VTI1A: variants seen among roughly 807,000 people sequenced by gnomAD.
VTI1A encodes the protein vesicle transport through interaction with t-SNAREs 1A, also known as vesicle transport through interaction with t-SNAREs homolog 1A.
In VTI1A, 22 loss-of-function variants were observed where a neutral mutation model predicts 34.9. That is an observed-to-expected ratio of 0.63 (90% CI 0.45 to 0.90). The LOEUF is 0.90. Among genes scored for constraint, VTI1A ranks in the 40% least tolerant of loss-of-function variants. The probability of loss-of-function intolerance (pLI) is 0.00; values close to 1 mark genes in which losing one functional copy is unlikely to be tolerated. For missense variants in VTI1A, 268 were observed against 275.6 expected (o/e 0.97, Z 0.20); for synonymous variants, 87 against 97.3 (o/e 0.89, Z 0.62).
intron 5 of VTI1A, among the ~76,000 whole-genome samples, chr10:112,551,231 G>GGCT (rs1402834637): frequency 9.2e-6 from 1 of 109,052 alleles, no homozygotes; most frequent in African/African-American, 3.7e-5. Flanking sequence ...GCGGCACAGC[G>GGCT]ATACTCCATC....
intron 5 of VTI1A, among the ~76,000 whole-genome samples, chr10:112,545,716 A>G (rs1235053766): frequency 6.6e-6 from 1 of 152,192 alleles, no homozygotes; most frequent in East Asian, 1.9e-4. Context: ...AAGATCAGCT[A>G]TGATTTGTAT....
In VTI1A at chr10:112,563,807, T is replaced by G. The variant is rs192240899; in HGVS notation, c.427+25477T>G. On this transcript the variant is annotated intron_variant, in intron 5 of 7. Coordinates refer to ENST00000393077, the MANE Select transcript of VTI1A (RefSeq NM_145206.4). The stretch of plus-strand genomic sequence containing the variant: ...TGGGGTTATTCTTAAGGTATACATA[T>G]CTCTGTTTTAAAGCAGAATGATTCC... 1.6e-4 allele frequency among the ~76,000 whole-genome samples: 24 copies of G among 152,292 alleles called. No individual in the cohort carries two copies. The South Asian group carries it at 2.7e-3, about 17-fold the overall frequency.
intron 7 of VTI1A, among the ~76,000 whole-genome samples, chr10:112,742,197 C>G (rs1850718243): frequency 6.6e-6 from 1 of 152,218 alleles, no homozygotes; most frequent in South Asian, 2.1e-4. Context: ...TAAAGGCTAA[C>G]TGGCACGTTA....
intron 5 of VTI1A, among the ~76,000 whole-genome samples, chr10:112,599,771 G>A (rs1293491441): frequency 6.6e-6 from 1 of 151,968 alleles, no homozygotes; most frequent in Non-Finnish European, 1.5e-5. Context: ...GTCAAGACAG[G>A]GTCTCAGTAT....
intron 5 of VTI1A, among the ~76,000 whole-genome samples, chr10:112,572,322 G>A (rs1645433147): frequency 8.5e-5 from 13 of 152,186 alleles, no homozygotes; most frequent in Admixed American, 8.5e-4. Context: ...AAAGGTATGA[G>A]TGGTGGTAGG....
intron 7 of VTI1A, among the ~76,000 whole-genome samples, chr10:112,728,882 C>T (rs1440893173): frequency 6.6e-6 from 1 of 151,904 alleles, no homozygotes; most frequent in East Asian, 1.9e-4. Flanking sequence ...GCACAATAGG[C>T]CTAAGAGATC....
At chr10:112,696,696 A>G (rs1848802696) in intron 7 of VTI1A, among the ~76,000 whole-genome samples, 1 of 152,188 alleles carries the variant, frequency 6.6e-6, no homozygotes, top group Non-Finnish European at 1.5e-5. Context: ...GTCTTCGAGA[A>G]GAAAAAATAA....
intron 5 of VTI1A, among the ~76,000 whole-genome samples, chr10:112,585,390 A>AT (rs1844105386): frequency 6.6e-6 from 1 of 152,186 alleles, no homozygotes; most frequent in East Asian, 1.9e-4. Flanking sequence ...ACAGCTTGTT[A>AT]CTTTTTTTTT....
intron 3 of VTI1A, 119 bp from the exon 4 acceptor site, chr10:112,526,968 C>A: frequency 1.2e-6 from 1 of 821,388 alleles, no homozygotes; most frequent in South Asian, 1.9e-5. Flanking sequence ...AGATTGTAGC[C>A]AATAGGTTTC....
At position 112,529,271 on chromosome 10, in the gene VTI1A, C is replaced by T. The variant is rs549881353; in HGVS notation, c.342+2107C>T. Among the ~76,000 whole-genome samples, 106 of 152,182 alleles carry T rather than the reference C, an allele frequency of 7.0e-4. 1 individual carries two copies. Among genetic ancestry groups the T allele is most frequent in the Non-Finnish European group, 4.0e-4 (27 of 67,924 alleles). ...ACCACACTGAACGTTTTGGATATTT[C>T]GTTACCAAATGTAGCAAAGTTTCCA... On this transcript the variant is annotated intron_variant, in intron 4 of 7. Transcript: ENST00000393077.
At chr10:112,473,162 G>A (rs1008237015) in intron 3 of VTI1A, among the ~76,000 whole-genome samples, 31 of 147,680 alleles carry the variant, frequency 2.1e-4, no homozygotes, top group African/African-American at 7.8e-4. Context: ...AGGCTGGAGT[G>A]CAGTGGCATG....
At chr10:112,742,642 T>C (rs566360679) in intron 7 of VTI1A, among the ~76,000 whole-genome samples, 1 of 152,346 alleles carries the variant, frequency 6.6e-6, no homozygotes, top group African/African-American at 2.4e-5. Flanking sequence ...ATGTCAAGTT[T>C]GTAGGAAAAT....
rs775644576 is a variant in VTI1A, at chr10:112,793,538, C to G, written c.561-21752C>G. ...TATACTGGGAATATTCAACATGACT[C>G]CAATGTACCACACTTAATCTCTCTT... On this transcript the variant is annotated intron_variant, in intron 7 of 7. Coordinates refer to ENST00000393077, the MANE Select transcript of VTI1A (RefSeq NM_145206.4). Among the ~76,000 whole-genome samples, 48 of 152,332 alleles carry G rather than the reference C, an allele frequency of 3.2e-4. 1 individual carries two copies. The highest frequency in any genetic ancestry group is 1.2e-3 in the Admixed American group (18 of 15,308).
At chr10:112,734,120 C>T (rs934583528) in intron 7 of VTI1A, among the ~76,000 whole-genome samples, 7 of 152,116 alleles carry the variant, frequency 4.6e-5, no homozygotes, top group South Asian at 2.1e-4. Flanking sequence ...CTTTCTCAAA[C>T]GCAGACCCAT....
chr10:112,673,983 A>G (rs976521382), intron 7 of VTI1A, among the ~76,000 whole-genome samples: 6 of 152,142 alleles, frequency 3.9e-5, no homozygotes, highest in African/African-American at 1.4e-4. Flanking sequence ...ATTCTGTTAT[A>G]TTCTAATTGT....
chr10:112,543,711 T>C (rs1325326917), intron 5 of VTI1A, among the ~76,000 whole-genome samples: 2 of 152,244 alleles, frequency 1.3e-5, no homozygotes, highest in African/African-American at 4.8e-5. Context: ...ATTTTGGCTT[T>C]TGTTGCCATT....
chr10:112,764,790 A>G lies in VTI1A; in HGVS notation c.561-50500A>G, dbSNP rs541227458. On this transcript the variant is annotated intron_variant, in intron 7 of 7. Coordinates refer to ENST00000393077, the MANE Select transcript of VTI1A (RefSeq NM_145206.4). ...GCATGGTAGTTAGTGTTGTCAGCGC[A>G]CCACAATTTGCTCATACAAATCTGT... 2.6e-5 allele frequency among the ~76,000 whole-genome samples: 4 copies of G among 152,332 alleles called. No individual in the cohort carries two copies. In the East Asian group the frequency reaches 7.7e-4, roughly 29 times the overall value.
At chr10:112,756,264 A>T (rs1851280295) in intron 7 of VTI1A, among the ~76,000 whole-genome samples, 1 of 152,184 alleles carries the variant, frequency 6.6e-6, no homozygotes, top group African/African-American at 2.4e-5. Flanking sequence ...TATGCTTATC[A>T]ATCTTTTTCC....
At chr10:112,795,769 T>C (rs137908601) in intron 7 of VTI1A, among the ~76,000 whole-genome samples, 2 of 152,228 alleles carry the variant, frequency 1.3e-5, no homozygotes, top group African/African-American at 2.4e-5. Flanking sequence ...GTGAATAAAT[T>C]AGTCTATTAT....
Sources: gnomAD v4.1 joint callset for allele counts (sites outside exome capture counted in the v4.1 genomes callset) on GRCh38, gnomAD v4.1.1 for gene constraint, MANE v1.5 for transcripts, NCBI Gene and HGNC (gene_info 2026-07-23, HGNC 2026-07-21) for gene names.